RPGRIP1L: variants seen among roughly 807,000 people sequenced by gnomAD.
The protein encoded by RPGRIP1L is protein fantom.
In RPGRIP1L, 131 loss-of-function variants were observed where a neutral mutation model predicts 160.4. The ratio of observed to expected loss-of-function variants is 0.82; its 90% CI spans 0.71 to 0.94. The LOEUF is 0.94. Ranked by LOEUF, RPGRIP1L falls within the 40% of genes least tolerant of loss-of-function variation. RPGRIP1L has a pLI of 0.00. For missense variants in RPGRIP1L, 1,522 were observed against 1,535.8 expected, an observed-to-expected ratio of 0.99 and a Z score of 0.15; for synonymous variants, 510 against 515.8, an observed-to-expected ratio of 0.99 and a Z score of 0.15.
At position 53,672,985 on chromosome 16, in the gene RPGRIP1L, G is replaced by T. The variant is rs756562582; in HGVS notation, c.914C>A (p.Ala305Asp). 1 of 1,613,142 alleles carries T rather than the reference G, an allele frequency of 6.2e-7. No individual in the cohort carries two copies. The highest frequency in any genetic ancestry group is 8.5e-7 in the Non-Finnish European group (1 of 1,179,546). ...KQRTLRISHDALMANGDELNM... is the reference protein window; with the variant it reads ...KQRTLRISHDDLMANGDELNM... ...TAATTCATCCCCATTTGCCATCAAA[G>T]CATCGTGGCTGATTCTGAGAGTTCT... Residue 305 changes from alanine to aspartate, a missense_variant, in exon 8 of 27, where the codon GCT becomes GAT. By Grantham distance (126) the Ala-to-Asp change is moderately radical. Transcript: ENST00000647211.
rs77511317 is a variant in RPGRIP1L, at chr16:53,638,676, T to C, written c.2959-265A>G. 0.051 allele frequency among the ~76,000 whole-genome samples: 7,766 copies of C among 151,770 alleles called. 410 individuals are homozygous for C. Among genetic ancestry groups the C allele is most frequent in the East Asian group, 0.31 (1,599 of 5,174 alleles). Reference sequence around the variant, plus strand: ...AAAAAAAAACTGAGAGCAATGCAAATGTTCAACAGGGCATTAGTTAAATAA... The same window carrying C: ...AAAAAAAAACTGAGAGCAATGCAAACGTTCAACAGGGCATTAGTTAAATAA... On this transcript the variant is annotated intron_variant, in intron 19 of 26. Transcript: ENST00000647211.
intron 25 of RPGRIP1L, 21 bp from the exon 26 acceptor site, chr16:53,605,635 G>A: frequency 6.2e-7 from 1 of 1,613,298 alleles, no homozygotes; most frequent in South Asian, 1.1e-5. Context: ...AGAGATCAGA[G>A]AAAGTCACCA....
chr16:53,621,071 G>A (rs1164831457), intron 23 of RPGRIP1L, among the ~76,000 whole-genome samples: 1 of 152,242 alleles, frequency 6.6e-6, no homozygotes, highest in Non-Finnish European at 1.5e-5. Flanking sequence ...GTGAAAAGAG[G>A]AATTTAAAAT....
At chr16:53,683,421 G>A (rs548540568) in intron 6 of RPGRIP1L, among the ~76,000 whole-genome samples, 1 of 152,240 alleles carries the variant, frequency 6.6e-6, no homozygotes, top group East Asian at 1.9e-4. Flanking sequence ...ATATAAACCA[G>A]TTATTAGACG....
intron 22 of RPGRIP1L, among the ~76,000 whole-genome samples, chr16:53,632,311 T>C (rs921873594): frequency 2.6e-5 from 4 of 152,204 alleles, no homozygotes; most frequent in African/African-American, 9.6e-5. Context: ...CTAGTCCTAA[T>C]TTTGTGACAT....
At chr16:53,674,016 A>G (rs1421103048) in intron 7 of RPGRIP1L, among the ~76,000 whole-genome samples, 2 of 152,200 alleles carry the variant, frequency 1.3e-5, no homozygotes, top group East Asian at 1.9e-4. Context: ...AATCTTAGAA[A>G]TGGCTTTCAA....
intron 15 of RPGRIP1L, 77 bp downstream of exon 15, chr16:53,652,458 T>C: frequency 1.8e-6 from 2 of 1,116,396 alleles, no homozygotes; most frequent in Non-Finnish European, 1.4e-6. Context: ...CAAGAAAAGA[T>C]AGTAATGTAG....
intron 6 of RPGRIP1L, among the ~76,000 whole-genome samples, chr16:53,680,036 C>T (rs1026196053): frequency 6.6e-6 from 1 of 152,016 alleles, no homozygotes; most frequent in Non-Finnish European, 1.5e-5. Context: ...CCTCTAAGAT[C>T]TTCCTAAGTT....
intron 4 of RPGRIP1L, among the ~76,000 whole-genome samples, chr16:53,688,317 A>T (rs895109952): frequency 6.6e-6 from 1 of 151,986 alleles, no homozygotes; most frequent in Non-Finnish European, 1.5e-5. Flanking sequence ...TAAAAACCTG[A>T]TTTTTTCCCC....
At chr16:53,622,031 A>AAAC (rs1359879595) in intron 23 of RPGRIP1L, among the ~76,000 whole-genome samples, 188 bp downstream of exon 23, 1 of 146,988 alleles carries the variant, frequency 6.8e-6, no homozygotes, top group Non-Finnish European at 1.5e-5. Flanking sequence ...TCAAAAAAAA[A>AAAC]AAAAAAAAAA....
intron 22 of RPGRIP1L, among the ~76,000 whole-genome samples, chr16:53,630,045 T>G (rs939402861): frequency 5.9e-5 from 9 of 152,096 alleles, no homozygotes; most frequent in Admixed American, 5.9e-4. Context: ...TTGTATTTCT[T>G]TTGTGTGTGT....
chr16:53,699,513 G>A (rs1971198350), intron 2 of RPGRIP1L, among the ~76,000 whole-genome samples: 1 of 151,908 alleles, frequency 6.6e-6, no homozygotes, highest in African/African-American at 2.4e-5. Flanking sequence ...ATAGGTTACT[G>A]AGCACAAGAA....
At chr16:53,685,642 G>C (rs1175662262) in intron 6 of RPGRIP1L, among the ~76,000 whole-genome samples, 2 of 151,432 alleles carry the variant, frequency 1.3e-5, no homozygotes, top group Non-Finnish European at 2.9e-5. Flanking sequence ...CTTTAAGTGA[G>C]AGCTAAATGA....
In RPGRIP1L at chr16:53,641,078, T is replaced by G. The variant is rs766575191; in HGVS notation, c.2913A>C (p.Val971=). ...TATCCACGAAAGATACCTTCTTATC[T>G]ACAGGTGTTAAACGTTGTCTTGGTT... is the stretch of plus-strand genomic sequence containing the variant. ...RPKPRQRLTP[V]DKKVSFVDIM... Residue 971 remains valine (V), a synonymous_variant, in exon 19 of 27, where the codon GTA becomes GTC. Coordinates refer to ENST00000647211, the MANE Select transcript of RPGRIP1L (RefSeq NM_015272.5). 1.9e-6 allele frequency: 3 copies of G among 1,613,884 alleles called. No individual in the cohort carries two copies. In the South Asian group the frequency reaches 3.3e-5, roughly 18 times the overall value.
chr16:53,697,205 A>G (rs1364899553), intron 2 of RPGRIP1L, among the ~76,000 whole-genome samples: 1 of 152,062 alleles, frequency 6.6e-6, no homozygotes, highest in Non-Finnish European at 1.5e-5. Context: ...AAAAAGAAAG[A>G]AAAGAAAGAA....
At chr16:53,672,332 C>T (rs1968802234) in intron 8 of RPGRIP1L, among the ~76,000 whole-genome samples, 1 of 152,134 alleles carries the variant, frequency 6.6e-6, no homozygotes, top group South Asian at 2.1e-4. Context: ...GTAAAAGATT[C>T]TCCCAAGATC....
At position 53,648,913 on chromosome 16, in the gene RPGRIP1L, T is replaced by G. The variant is rs376702970; in HGVS notation, c.2304+51A>C. ...GTTTAAAGCACGACACATAAATAAATATTATAAAATTTCTATGTCATAAAA... is the reference window on the plus strand; with the variant it reads ...GTTTAAAGCACGACACATAAATAAAGATTATAAAATTTCTATGTCATAAAA... On this transcript the variant is annotated intron_variant, in intron 16 of 26. Transcript: ENST00000647211. 128 of 1,496,988 alleles carry G rather than the reference T, an allele frequency of 8.6e-5. 1 individual carries two copies. The highest frequency in any genetic ancestry group is 7.4e-6 in the Non-Finnish European group (8 of 1,074,390). 92.7% of individuals were successfully genotyped at this position (1,496,988 alleles called of 1,614,324 possible).
In RPGRIP1L at chr16:53,605,539, G is replaced by A. The variant is rs750716320; in HGVS notation, c.3777C>T (p.His1259=). 4.3e-6 allele frequency: 7 copies of A among 1,613,926 alleles called. No individual in the cohort carries two copies. The highest frequency in any genetic ancestry group is 4.0e-5 in the African/African-American group (3 of 74,904). The stretch of plus-strand genomic sequence containing the variant: ...CCTGAAACATGTCGGCAAGGTCGAC[G>A]TGAGCCACGCCAATGTCCTCACACT... The part of the protein sequence containing the change: ...DLECEDIGVA[H]VDLADMFQEG... Residue 1259 remains histidine (H), a synonymous_variant, in exon 26 of 27, where the codon CAC becomes CAT. Transcript: ENST00000647211.
At position 53,657,578 on chromosome 16, in the gene RPGRIP1L, C is replaced by T. The variant is rs1441624056; in HGVS notation, c.1456G>A (p.Glu486Lys). The T allele has an allele frequency of 6.2e-7, 1 of 1,600,960 alleles. No homozygotes were observed. The highest frequency in any genetic ancestry group is 2.2e-5 in the East Asian group (1 of 44,702). Residue 486 changes from glutamate (E) to lysine (K), a missense_variant, in exon 13 of 27, where the codon GAA becomes AAA. Transcript: ENST00000647211. ...DLSFLVKVDS[E>K]INKDLERSMR... ...GAGCGTTCTAGATCTTTATTAATTT[C>T]ACTATCTACTTTCACTAAAAAGGAA...
Sources: gnomAD v4.1 joint callset for allele counts (sites outside exome capture counted in the v4.1 genomes callset) on GRCh38, gnomAD v4.1.1 for gene constraint, MANE v1.5 for transcripts, NCBI Gene and HGNC (gene_info 2026-07-23, HGNC 2026-07-21) for gene names.